ARAP2: variants seen among roughly 807,000 people sequenced by gnomAD.
ARAP2 encodes the protein ArfGAP with RhoGAP domain, ankyrin repeat and PH domain 2, also known as arf-GAP with Rho-GAP domain, ANK repeat and PH domain-containing protein 2.
Under a neutral mutation model 194.5 loss-of-function variants are expected in ARAP2, and 148 were observed. The ratio of observed to expected loss-of-function variants is 0.76; its 90% CI spans 0.67 to 0.87. The LOEUF is 0.87. Among genes scored for constraint, ARAP2 ranks in the 40% least tolerant of loss-of-function variants. The pLI, the probability that ARAP2 is intolerant of heterozygous loss-of-function variation, is 0.00. For missense variants in ARAP2, 2,128 were observed against 1,989.7 expected, an observed-to-expected ratio of 1.07 and a Z score of -1.32; for synonymous variants, 695 against 683.5, an observed-to-expected ratio of 1.02 and a Z score of -0.26.
At chr4:36,011,443 C>A (rs543602957) in intron 9 of ARAP2, among the ~76,000 whole-genome samples, 1 of 151,914 alleles carries the variant, frequency 6.6e-6, no homozygotes, top group Non-Finnish European at 1.5e-5. Context: ...ATATTAAGGC[C>A]CTGTAAATTC....
chr4:36,151,053 T>C lies in ARAP2; in HGVS notation c.2753-9A>G, dbSNP rs2109724920. On this transcript the variant is annotated splice_polypyrimidine_tract_variant and intron_variant, in intron 15 of 32. Transcript: ENST00000303965. ...CCATTTTTTATTTGTCTCTAAGAATTTGAAACAAAACAAATAACAAATTGA... is the reference window on the plus strand; with the variant it reads ...CCATTTTTTATTTGTCTCTAAGAATCTGAAACAAAACAAATAACAAATTGA... The C allele has an allele frequency of 6.3e-7, 1 of 1,581,320 alleles. No individual in the cohort carries two copies. The highest frequency in any genetic ancestry group is 2.3e-5 in the East Asian group (1 of 44,172).
intron 32 of ARAP2, among the ~76,000 whole-genome samples, chr4:36,069,764 C>A (rs1336799912): frequency 6.6e-6 from 1 of 152,052 alleles, no homozygotes; most frequent in East Asian, 1.9e-4. Flanking sequence ...ATATCCCCAC[C>A]CAAATCTCAT....
intron 22 of ARAP2, among the ~76,000 whole-genome samples, chr4:36,121,790 T>C (rs948451939): frequency 7.9e-5 from 12 of 151,734 alleles, no homozygotes; most frequent in African/African-American, 2.9e-4. Context: ...GGCTAAATTT[T>C]CCAGAAAGTG....
At chr4:36,182,503 A>ATAAG (rs1486497073) in intron 8 of ARAP2, among the ~76,000 whole-genome samples, 2 of 147,164 alleles carry the variant, frequency 1.4e-5, no homozygotes, top group Non-Finnish European at 3.0e-5. Flanking sequence ...CTCTAAATAA[A>ATAAG]TAAATAAATA....
chr4:36,032,617 T>C (rs1719179697), intron 5 of ARAP2, among the ~76,000 whole-genome samples: 2 of 152,230 alleles, frequency 1.3e-5, no homozygotes, highest in African/African-American at 4.8e-5. Flanking sequence ...ATTATAAAAT[T>C]ATAACAGCAT....
chr4:36,147,211 T>C, intron 19 of ARAP2, 85 bp downstream of exon 19: 1 of 1,197,950 alleles, frequency 8.3e-7, no homozygotes, highest in Non-Finnish European at 1.2e-6. Context: ...AAAATATTGT[T>C]TTCTCCCTCA....
intron 3 of ARAP2, among the ~76,000 whole-genome samples, chr4:36,049,307 A>G (rs1722299878): frequency 6.6e-6 from 1 of 152,234 alleles, no homozygotes; most frequent in African/African-American, 2.4e-5. Context: ...AAAAAAAGAA[A>G]TGTATTCAAT....
At chr4:36,153,287 T>C (rs1040449003) in intron 15 of ARAP2, among the ~76,000 whole-genome samples, 8 of 152,146 alleles carry the variant, frequency 5.3e-5, no homozygotes, top group Non-Finnish European at 1.0e-4. Context: ...GACATTCCCA[T>C]TGATATGGGA....
In ARAP2 at chr4:36,016,786, C is replaced by A. The variant is rs1370423956; in HGVS notation, n.751-828G>T. ...TGAGATAAATCACACAACCTCTTGG[C>A]CATTCTTCAATTTGAATGACTTGGA... is the stretch of plus-strand genomic sequence containing the variant. On this transcript the variant is annotated intron_variant and non_coding_transcript_variant, in intron 6 of 12. Coordinates refer to the ARAP2 transcript ENST00000503225. Among the ~76,000 whole-genome samples, 2 of 152,238 alleles carry A rather than the reference C, an allele frequency of 1.3e-5. 1 individual carries two copies. The highest frequency in any genetic ancestry group is 4.1e-4 in the South Asian group (2 of 4,820).
At chr4:36,212,290 C>T (rs1578294179) in intron 5 of ARAP2, 106 bp downstream of exon 5, 5 of 943,364 alleles carry the variant, frequency 5.3e-6, no homozygotes, top group Admixed American at 2.8e-5. Flanking sequence ...AACTTATCAC[C>T]ATAAACTATT....
intron 7 of ARAP2, 137 bp from the exon 8 acceptor site, chr4:36,187,708 T>C (rs966519292): frequency 9.9e-6 from 6 of 608,974 alleles, no homozygotes; most frequent in Admixed American, 3.7e-5. Context: ...TACAAGTAAT[T>C]TGTCCACTCA....
chr4:36,128,442 T>G (rs1207369045), intron 21 of ARAP2, 91 bp downstream of exon 21: 1 of 953,868 alleles, frequency 1.0e-6, no homozygotes, highest in Non-Finnish European at 1.5e-6. Context: ...AAAGTCTAAG[T>G]ATTAAAAGGC....
At chr4:36,178,109 A>T in intron 8 of ARAP2, 104 bp from the exon 9 acceptor site, 1 of 982,310 alleles carries the variant, frequency 1.0e-6, no homozygotes, top group South Asian at 2.0e-5. Context: ...TAAGTGACAG[A>T]TTCTTTCCCA....
intron 26 of ARAP2, among the ~76,000 whole-genome samples, chr4:36,111,691 T>C (rs889089845): frequency 2.6e-5 from 4 of 152,032 alleles, no homozygotes; most frequent in South Asian, 2.1e-4. Flanking sequence ...TTCAAGTTTA[T>C]AATTAGTCAT....
rs543024897 is a variant in ARAP2, at chr4:36,107,590, G to C, written c.4260C>G (p.Thr1420=). Residue 1420 remains threonine, a synonymous_variant, in exon 27 of 33, where the codon ACC becomes ACG. Coordinates refer to ENST00000303965, the MANE Select transcript of ARAP2 (RefSeq NM_015230.4). ...CACTGCAGTGTTTAATTGTGTCAGC[G>C]GTTAAGAATCTCTTCACCACCAGGT... The part of the protein sequence containing the change: ...SAYLVVKRFL[T]ADTIKHCSDR... 1 of 1,609,786 alleles carries C rather than the reference G, an allele frequency of 6.2e-7. No individual in the cohort carries two copies. Among genetic ancestry groups the C allele is most frequent in the Admixed American group, 1.7e-5 (1 of 59,584 alleles).
intron 22 of ARAP2, among the ~76,000 whole-genome samples, chr4:36,122,743 C>A (rs1722958044): frequency 6.6e-6 from 1 of 151,484 alleles, no homozygotes; most frequent in Admixed American, 6.6e-5. Context: ...CACACTGTAC[C>A]CCTGAACTTA....
intron 26 of ARAP2, among the ~76,000 whole-genome samples, chr4:36,112,264 A>G (rs1381054304): frequency 6.6e-6 from 1 of 151,970 alleles, no homozygotes; most frequent in African/African-American, 2.4e-5. Context: ...AATGCCCTAA[A>G]AAAAGTATAG....
chr4:36,174,825 T>C (rs761309550), intron 9 of ARAP2, among the ~76,000 whole-genome samples: 1 of 152,144 alleles, frequency 6.6e-6, no homozygotes, highest in Non-Finnish European at 1.5e-5. Flanking sequence ...AACCCACAAC[T>C]GCAACCTCCC....
At chr4:36,147,990 G>T (rs1305442616) in intron 17 of ARAP2, among the ~76,000 whole-genome samples, 1 of 152,070 alleles carries the variant, frequency 6.6e-6, no homozygotes, top group African/African-American at 2.4e-5. Flanking sequence ...AAACTGCAAG[G>T]CATTCTCTTA....
Sources: gnomAD v4.1 joint callset for allele counts (sites outside exome capture counted in the v4.1 genomes callset) on GRCh38, gnomAD v4.1.1 for gene constraint, MANE v1.5 for transcripts, NCBI Gene and HGNC (gene_info 2026-07-23, HGNC 2026-07-21) for gene names.